BCAS3: variants seen among roughly 807,000 people sequenced by gnomAD.
BCAS3 encodes the protein BCAS3 microtubule associated cell migration factor.
BCAS3 carries 53 observed loss-of-function variants against 116.1 expected under a neutral mutation model. That is an observed-to-expected ratio of 0.46 (90% confidence interval 0.37 to 0.57). BCAS3 has a LOEUF of 0.57. Ranked by LOEUF, BCAS3 falls within the 20% of genes least tolerant of loss-of-function variation. BCAS3 has a pLI of 0.00. For missense variants in BCAS3, 917 were observed against 1,165.4 expected, an observed-to-expected ratio of 0.79 and a Z score of 3.10; for synonymous variants, 391 against 408.2, an observed-to-expected ratio of 0.96 and a Z score of 0.51.
At chr17:60,968,311 G>C (rs1021164032) in intron 14 of BCAS3, among the ~76,000 whole-genome samples, 1 of 152,026 alleles carries the variant, frequency 6.6e-6, no homozygotes, top group African/African-American at 2.4e-5. Flanking sequence ...GAACTCTTGG[G>C]CTGGAGCAAT....
chr17:61,341,014 T>TC (rs997020361), intron 22 of BCAS3, among the ~76,000 whole-genome samples: 1 of 151,842 alleles, frequency 6.6e-6, no homozygotes, highest in Non-Finnish European at 1.5e-5. Context: ...GGGAGGAGGG[T>TC]CAGGGCCTGA....
intron 4 of BCAS3, among the ~76,000 whole-genome samples, chr17:60,707,938 G>A (rs920447873): frequency 6.6e-6 from 1 of 152,090 alleles, no homozygotes; most frequent in Admixed American, 6.6e-5. Context: ...TTCATGAGGT[G>A]GATTGATTTA....
intron 16 of BCAS3, among the ~76,000 whole-genome samples, chr17:61,022,179 T>C (rs778564098): frequency 6.6e-6 from 1 of 152,190 alleles, no homozygotes; most frequent in African/African-American, 2.4e-5. Flanking sequence ...AACCACACCA[T>C]ACTGTAAATC....
At chr17:60,905,482 C>T (rs929202706) in intron 11 of BCAS3, among the ~76,000 whole-genome samples, 7 of 152,262 alleles carry the variant, frequency 4.6e-5, no homozygotes, top group African/African-American at 1.4e-4. Context: ...CTCAAATTAT[C>T]AAACTTGTTT....
chr17:61,166,483 C>T (rs898330021), intron 22 of BCAS3, among the ~76,000 whole-genome samples: 7 of 143,208 alleles, frequency 4.9e-5, no homozygotes, highest in Admixed American at 1.4e-4. Flanking sequence ...CTGCAACCTG[C>T]GTCTCCTGGG....
intron 19 of BCAS3, among the ~76,000 whole-genome samples, chr17:61,060,537 CTGAAT>C (rs1305208166): frequency 3.3e-5 from 5 of 152,302 alleles, no homozygotes; most frequent in Non-Finnish European, 7.4e-5. Context: ...TTATCACTCA[CTGAAT>C]GATCCTGAAT....
chr17:61,339,032 G>GA lies in BCAS3; in HGVS notation c.2426-29284dup, dbSNP rs5821322. Reference sequence around the variant, plus strand: ...CCAAAGTTTAACATCTTGGTTTTGGGAAAAAAAAAAATTCACAAAGACCCA... The same window carrying GA: ...CCAAAGTTTAACATCTTGGTTTTGGGAAAAAAAAAAAATTCACAAAGACCCA... On this transcript the variant is annotated intron_variant, in intron 22 of 23. Coordinates refer to ENST00000407086, the MANE Select transcript of BCAS3 (RefSeq NM_017679.5). The surrounding 1 kb of genome is among the most constrained non-coding windows in gnomAD (Gnocchi z 4.4). Among the ~76,000 whole-genome samples, 5,664 of 147,264 alleles carry GA rather than the reference G, an allele frequency of 0.038. 376 individuals carry two copies. The highest frequency in any genetic ancestry group is 0.13 in the African/African-American group (5,368 of 40,320).
chr17:61,216,672 T>A (rs2081812239), intron 22 of BCAS3, among the ~76,000 whole-genome samples: 1 of 151,644 alleles, frequency 6.6e-6, no homozygotes, highest in East Asian at 2.0e-4. Context: ...GCCTCCTGAG[T>A]AGCTGGGATT....
chr17:61,311,676 C>T (rs1445372915), intron 22 of BCAS3, among the ~76,000 whole-genome samples: 1 of 152,070 alleles, frequency 6.6e-6, no homozygotes, highest in Admixed American at 6.5e-5. Context: ...GGGCAGATAA[C>T]GAGGTCAGGA....
intron 4 of BCAS3, 133 bp downstream of exon 4, chr17:60,689,894 A>G: frequency 3.2e-6 from 2 of 619,558 alleles, no homozygotes; most frequent in South Asian, 2.2e-5. Flanking sequence ...AATAAAAGGT[A>G]GCATAACCGC....
chr17:61,221,420 T>C (rs765162306), intron 22 of BCAS3, among the ~76,000 whole-genome samples: 8 of 152,206 alleles, frequency 5.3e-5, no homozygotes, highest in Non-Finnish European at 7.4e-5. Context: ...CCAAACCACA[T>C]TGATAGCACT....
At position 61,082,885 on chromosome 17, in the gene BCAS3, C is replaced by A. The variant is rs2072751234; in HGVS notation, c.2328-1582C>A. ...CCTTCCGGTAATAGATCATCCTATACCTCCCTCCTGTTTTTTCTTCCTCAC... is the reference window on the plus strand; with the variant it reads ...CCTTCCGGTAATAGATCATCCTATAACTCCCTCCTGTTTTTTCTTCCTCAC... On this transcript the variant is annotated intron_variant, in intron 21 of 23. Coordinates refer to ENST00000407086, the MANE Select transcript of BCAS3 (RefSeq NM_017679.5). The surrounding 1 kb of genome is among the most constrained non-coding windows in gnomAD (Gnocchi z 5.1). Among the ~76,000 whole-genome samples the A allele has an allele frequency of 6.6e-6, 1 of 152,148 alleles. No individual in the cohort carries two copies. The highest frequency in any genetic ancestry group is 1.5e-5 in the Non-Finnish European group (1 of 68,018).
At position 61,171,533 on chromosome 17, in the gene BCAS3, C is replaced by T. The variant is rs989787888; in HGVS notation, c.2425+86969C>T. On this transcript the variant is annotated intron_variant, in intron 22 of 23. Transcript: ENST00000407086. This position sits in a 1 kb window ranked among gnomAD's most constrained non-coding sequence, Gnocchi z 4.1. The stretch of plus-strand genomic sequence containing the variant: ...GGATAAAAAAGGCAAGAATCACCTA[C>T]ATCTTGCCCATAAAAATCTCACCTA... Among the ~76,000 whole-genome samples the T allele has an allele frequency of 6.6e-6, 1 of 152,168 alleles. No homozygotes were observed. Among genetic ancestry groups the T allele is most frequent in the Admixed American group, 6.5e-5 (1 of 15,276 alleles).
Position 61,145,116 on chromosome 17 carries a change from G to A in BCAS3, c.2425+60552G>A, listed in dbSNP as rs888713096. On this transcript the variant is annotated intron_variant, in intron 22 of 23. Transcript: ENST00000407086. The surrounding 1 kb of genome is among the most constrained non-coding windows in gnomAD (Gnocchi z 5.0). ...AGATGCAACTTTGGCTCGCCTCACC[G>A]GCAGTAATTTAATTTTTCCTTCATT... is the stretch of plus-strand genomic sequence containing the variant. 6.6e-6 allele frequency among the ~76,000 whole-genome samples: 1 copy of A among 152,272 alleles called. No homozygotes were observed. The highest frequency in any genetic ancestry group is 1.9e-4 in the East Asian group (1 of 5,184).
In BCAS3 at chr17:61,156,055, C is replaced by T. The variant is rs2077815997; in HGVS notation, c.2425+71491C>T. 6.6e-6 allele frequency among the ~76,000 whole-genome samples: 1 copy of T among 151,704 alleles called. No homozygotes were observed. Among genetic ancestry groups the T allele is most frequent in the African/African-American group, 2.4e-5 (1 of 41,284 alleles). ...AAATGACTTTTCCCAACAAGCTCAC[C>T]AGGCATTCAAAGGAAGAAAAGCATT... On this transcript the variant is annotated intron_variant, in intron 22 of 23. Transcript: ENST00000407086. The surrounding 1 kb of genome is among the most constrained non-coding windows in gnomAD (Gnocchi z 4.7).
At chr17:60,759,890 C>A (rs1408161037) in intron 6 of BCAS3, among the ~76,000 whole-genome samples, 3 of 152,168 alleles carry the variant, frequency 2.0e-5, no homozygotes, top group Non-Finnish European at 2.9e-5. Context: ...TGGTCTTGAA[C>A]TCCTGACTTA....
At chr17:60,890,153 A>G (rs2057036456) in intron 10 of BCAS3, among the ~76,000 whole-genome samples, 1 of 152,224 alleles carries the variant, frequency 6.6e-6, no homozygotes, top group Admixed American at 6.5e-5. Flanking sequence ...ACCTGGGCAT[A>G]GAATAATTTA....
rs1208681415 is a variant in BCAS3 at position 60,756,595 on chromosome 17, AC to A, written c.403+9317del. On this transcript the variant is annotated intron_variant, in intron 6 of 23. Transcript: ENST00000407086. ...CCAGTTCCATCCCTGTGCTGCAGTG[AC>A]ATGATTTTATTATTTTTTTATGGCC... 3.9e-5 allele frequency among the ~76,000 whole-genome samples: 6 copies of A among 152,180 alleles called. No individual in the cohort carries two copies. In the East Asian group the frequency reaches 1.2e-3, roughly 29 times the overall value.
At chr17:61,185,413 A>G (rs1173924221) in intron 22 of BCAS3, among the ~76,000 whole-genome samples, 1 of 152,144 alleles carries the variant, frequency 6.6e-6, no homozygotes, top group African/African-American at 2.4e-5. Flanking sequence ...CTTTCTTCAA[A>G]TGGCTACTAG....
Sources: gnomAD v4.1 joint callset for allele counts (sites outside exome capture counted in the v4.1 genomes callset) on GRCh38, gnomAD v4.1.1 for gene constraint, Gnocchi (gnomAD v3.1) non-coding constraint, MANE v1.5 for transcripts, NCBI Gene and HGNC (gene_info 2026-07-23, HGNC 2026-07-21) for gene names.